The following CPEB1 variants were observed in gnomAD, a reference collection of about 807,000 sequenced individuals.
CPEB1 encodes the protein cytoplasmic polyadenylation element binding protein 1.
In CPEB1, 7 loss-of-function variants were observed where a neutral mutation model predicts 65.8. The ratio of observed to expected loss-of-function variants is 0.11; its 90% CI spans 0.06 to 0.20. CPEB1 has a LOEUF of 0.20. Among genes scored for constraint, CPEB1 ranks in the 10% least tolerant of loss-of-function variants. CPEB1 has a pLI of 1.00. For missense variants in CPEB1, 551 were observed against 712.2 expected (o/e 0.77, Z 2.58); for synonymous variants, 262 against 260.0 (o/e 1.01, Z -0.08).
intron 3 of CPEB1, among the ~76,000 whole-genome samples, chr15:82,618,185 C>T (rs949631105): frequency 1.3e-5 from 2 of 151,994 alleles, no homozygotes. Flanking sequence ...AATAGTTGTA[C>T]CATTTTGCAT....
At chr15:82,555,839 C>T in intron 6 of CPEB1, 31 bp downstream of exon 6, 2 of 1,589,182 alleles carry the variant, frequency 1.3e-6, no homozygotes, top group Non-Finnish European at 1.7e-6. Context: ...AATGAGGCCT[C>T]AGGCCTCACA....
At chr15:82,630,772 G>C (rs2046177133) in intron 1 of CPEB1, among the ~76,000 whole-genome samples, 1 of 152,180 alleles carries the variant, frequency 6.6e-6, no homozygotes, top group African/African-American at 2.4e-5. Flanking sequence ...ACACAAGAGA[G>C]TAGAGAGGCA....
Position 82,547,155 on chromosome 15 carries a change from C to T in CPEB1, c.1563G>A (p.Lys521=), listed in dbSNP as rs2035373840. The T allele has an allele frequency of 1.9e-6, 3 of 1,612,266 alleles. No individual in the cohort carries two copies. The highest frequency in any genetic ancestry group is 4.5e-5 in the East Asian group (2 of 44,866). Reference sequence around the variant, plus strand: ...CCAGCCAACTCACCTTCTTTGTGAACTTGGTGGTTTTGATCTCCACAAAAG... The same window carrying T: ...CCAGCCAACTCACCTTCTTTGTGAATTTGGTGGTTTTGATCTCCACAAAAG... The part of the protein sequence containing the change: ...SAAFVEIKTT[K]FTKKVQIDPY... Residue 521 remains lysine (K), a synonymous_variant, in exon 11 of 13, where the codon AAG becomes AAA. Transcript: ENST00000684509.
At chr15:82,567,687 A>G (rs2039378482) in intron 4 of CPEB1, among the ~76,000 whole-genome samples, 1 of 152,118 alleles carries the variant, frequency 6.6e-6, no homozygotes, top group Non-Finnish European at 1.5e-5. Context: ...GTTAGTCCTC[A>G]AGAGACTTCT....
At chr15:82,590,132 C>T (rs1323139314) in intron 3 of CPEB1, among the ~76,000 whole-genome samples, 2 of 139,476 alleles carry the variant, frequency 1.4e-5, no homozygotes, top group African/African-American at 5.3e-5. Context: ...GTATTCACAA[C>T]ATCTAGAAGA....
At chr15:82,594,874 G>C (rs572967527) in intron 3 of CPEB1, among the ~76,000 whole-genome samples, 2 of 152,244 alleles carry the variant, frequency 1.3e-5, no homozygotes, top group Non-Finnish European at 1.5e-5. Context: ...AAGTGGGAGA[G>C]AGACAGGAGA....
In CPEB1 at chr15:82,546,754, C is replaced by T. The variant is rs72751636; in HGVS notation, c.1576-233G>A. Among the ~76,000 whole-genome samples, 1,137 of 152,288 alleles carry T rather than the reference C, an allele frequency of 7.5e-3. 11 individuals carry two copies. The highest frequency in any genetic ancestry group is 8.5e-3 in the Non-Finnish European group (576 of 68,028). On this transcript the variant is annotated intron_variant, in intron 11 of 12. Coordinates refer to ENST00000684509, the MANE Select transcript of CPEB1 (RefSeq NM_001365242.1). ...AGTCAGGCTGGATGCCTCTGGGATT[C>T]AGGCAACCACACACCTTAATGCCTG...
chr15:82,556,955 A>T (rs1476184387), intron 5 of CPEB1, among the ~76,000 whole-genome samples: 1 of 152,218 alleles, frequency 6.6e-6, no homozygotes, highest in African/African-American at 2.4e-5. Context: ...GTGGTAAAAT[A>T]AGTAATTCTA....
At chr15:82,642,075 G>C (rs968620152) in intron 1 of CPEB1, among the ~76,000 whole-genome samples, 12 of 152,148 alleles carry the variant, frequency 7.9e-5, no homozygotes, top group African/African-American at 2.9e-4. Context: ...TTTTCAGCTA[G>C]TTTACTATAA....
chr15:82,632,507 TCACACA>T (rs141189332), intron 1 of CPEB1, among the ~76,000 whole-genome samples: 4 of 150,586 alleles, frequency 2.7e-5, no homozygotes, highest in African/African-American at 9.8e-5. Context: ...CTGTGTATAT[TCACACA>T]CACACACACA....
chr15:82,632,068 G>A (rs925258324), intron 1 of CPEB1, among the ~76,000 whole-genome samples: 11 of 137,426 alleles, frequency 8.0e-5, no homozygotes, highest in African/African-American at 3.0e-4. Flanking sequence ...TGCAAGCTCC[G>A]CCTCCCGGGT....
intron 1 of CPEB1, among the ~76,000 whole-genome samples, chr15:82,634,661 T>C (rs2046514177): frequency 1.3e-5 from 2 of 152,220 alleles, no homozygotes; most frequent in South Asian, 4.1e-4. Flanking sequence ...TGGAATGTAG[T>C]AATCCTCCTG....
chr15:82,563,739 G>A (rs1267544524), intron 4 of CPEB1, among the ~76,000 whole-genome samples: 3 of 151,920 alleles, frequency 2.0e-5, no homozygotes, highest in Non-Finnish European at 2.9e-5. Flanking sequence ...AAATGAACAC[G>A]AACAATAGGA....
At chr15:82,569,693 G>T (rs775020063) in intron 4 of CPEB1, among the ~76,000 whole-genome samples, 9 of 152,194 alleles carry the variant, frequency 5.9e-5, no homozygotes, top group Non-Finnish European at 1.0e-4. Flanking sequence ...ATTTCTATGG[G>T]CCCAATGTTA....
chr15:82,558,885 A>G (rs73436984), intron 4 of CPEB1, among the ~76,000 whole-genome samples: 2,364 of 152,274 alleles, frequency 0.016, 61 homozygotes, highest in African/African-American at 0.055. Context: ...CTATGAGAAT[A>G]AGGAATAAGA....
rs1047567842 is a variant in CPEB1, at chr15:82,571,240, G to A, written c.460+104C>T. 2.2e-5 allele frequency: 31 copies of A among 1,406,144 alleles called. No homozygotes were observed. In the African/African-American group the frequency reaches 4.2e-4, roughly 19 times the overall value. The allele number at this position is 1,406,144 out of a possible 1,614,324, so 87.1% of individuals were successfully genotyped here. ...GCTCCATGTTGTATGTGTGTATGGT[G>A]GGGAGTGATGCAAAGGGGAACAGAA... On this transcript the variant is annotated intron_variant, in intron 4 of 12. Coordinates refer to ENST00000684509, the MANE Select transcript of CPEB1 (RefSeq NM_001365242.1).
At chr15:82,594,172 T>C (rs185965946) in intron 3 of CPEB1, among the ~76,000 whole-genome samples, 18 of 152,340 alleles carry the variant, frequency 1.2e-4, no homozygotes, top group Non-Finnish European at 2.1e-4. Flanking sequence ...AAGTCCTAGA[T>C]GGCATCTTCT....
chr15:82,561,736 C>CT (rs748682503), intron 4 of CPEB1, among the ~76,000 whole-genome samples: 99 of 152,346 alleles, frequency 6.5e-4, no homozygotes, highest in Non-Finnish European at 1.2e-3. Context: ...AAGTTCTCTA[C>CT]TGTGCCTACA....
At position 82,627,358 on chromosome 15, in the gene CPEB1, C is replaced by A. The variant is rs1239944704; in HGVS notation, c.106G>T (p.Ala36Ser). 2.5e-6 allele frequency: 4 copies of A among 1,610,368 alleles called. No individual in the cohort carries two copies. The highest frequency in any genetic ancestry group is 3.4e-5 in the Admixed American group (2 of 59,478). Residue 36 changes from alanine to serine, a missense_variant, in exon 3 of 13, where the codon GCA becomes TCA. Physicochemically the swap from Ala to Ser is moderately conservative, Grantham distance 99 (BLOSUM62 1). Around this residue, in one of 6 missense-constraint regions of CPEB1, gnomAD observed 223 missense variants for 228.6 expected, o/e 0.98. Transcript: ENST00000684509. ...TCCCAGCAATCTTTTATCCTTCCTG[C>A]TTCTTCTTCCTAGACACAGAAAAAA... Reference protein sequence around the residue: ...CLLLIPLEEEAGRIKDCWDNQ... With the variant: ...CLLLIPLEEESGRIKDCWDNQ...
Sources: allele counts gnomAD v4.1 joint callset (sites outside exome capture counted in the v4.1 genomes callset), GRCh38; gene constraint gnomAD v4.1.1; regional missense constraint gnomAD v4.1.1; transcripts MANE v1.5; gene names NCBI Gene and HGNC (gene_info 2026-07-23, HGNC 2026-07-21).